The following CSMD1 variants were observed in gnomAD, a reference collection of about 807,000 sequenced individuals.
CSMD1 encodes the protein CUB and Sushi multiple domains 1.
In CSMD1, 213 loss-of-function variants were observed where a neutral mutation model predicts 417.5. The observed-to-expected ratio is 0.51, with a 90% CI of 0.46 to 0.57. CSMD1 has a LOEUF of 0.57. Ranked by LOEUF, CSMD1 falls within the 20% of genes least tolerant of loss-of-function variation. The pLI, the probability that CSMD1 is intolerant of heterozygous loss-of-function variation, is 0.00. For synonymous variants in CSMD1, 2,862 were observed against 1,736.8 expected (o/e 1.65, Z -16.11); for missense variants, 6,923 against 4,529.7 (o/e 1.53, Z -15.17).
At chr8:4,231,167 T>C (rs888120442) in intron 3 of CSMD1, among the ~76,000 whole-genome samples, 5 of 152,182 alleles carry the variant, frequency 3.3e-5, no homozygotes, top group African/African-American at 4.8e-5. Context: ...TATAGTGAAA[T>C]GTTTAAAATA....
intron 23 of CSMD1, among the ~76,000 whole-genome samples, chr8:3,333,471 G>A (rs997287950): frequency 6.6e-6 from 1 of 152,172 alleles, no homozygotes; most frequent in African/African-American, 2.4e-5. Flanking sequence ...TCTCAGCTAG[G>A]TTAACAGCTA....
In CSMD1 at chr8:3,508,336, A is replaced by G. The variant is rs542689905; in HGVS notation, c.1345-14610T>C. Among the ~76,000 whole-genome samples, 5 of 148,656 alleles carry G rather than the reference A, an allele frequency of 3.4e-5. No individual in the cohort carries two copies. The South Asian group carries it at 1.1e-3, about 32-fold the overall frequency. On this transcript the variant is annotated intron_variant, in intron 10 of 69. Transcript: ENST00000635120. ...AACACTTGGACACAGGAAGGGGAAC[A>G]TCACACACGGGGGCCTGTTATGGGG...
intron 5 of CSMD1, among the ~76,000 whole-genome samples, chr8:3,924,015 G>A (rs1238872598): frequency 6.6e-6 from 1 of 152,164 alleles, no homozygotes; most frequent in Non-Finnish European, 1.5e-5. Flanking sequence ...CTTTCTTGCT[G>A]CTAATAAGTG....
intron 7 of CSMD1, among the ~76,000 whole-genome samples, chr8:3,686,489 G>A (rs1350927460): frequency 2.0e-5 from 3 of 151,924 alleles, no homozygotes; most frequent in Non-Finnish European, 4.4e-5. Flanking sequence ...AATTAAAGAC[G>A]CTTAAAAAAA....
intron 3 of CSMD1, among the ~76,000 whole-genome samples, chr8:4,070,413 A>T (rs2552119): frequency 0.16 from 23,752 of 152,152 alleles, 1,988 homozygotes; most frequent in South Asian, 0.36. Context: ...GCTGGAGTGC[A>T]GTGGTGGGAT....
intron 5 of CSMD1, among the ~76,000 whole-genome samples, chr8:3,994,174 T>TTTA (rs2130307825): frequency 6.6e-6 from 1 of 152,296 alleles, no homozygotes; most frequent in South Asian, 2.1e-4. Context: ...TGCATTTATT[T>TTTA]TTATTTTCTT....
intron 5 of CSMD1, among the ~76,000 whole-genome samples, chr8:3,906,498 G>T (rs1424347662): frequency 1.3e-5 from 2 of 150,372 alleles, no homozygotes; most frequent in Non-Finnish European, 3.0e-5. Context: ...TCCGATAAGA[G>T]AATGAAAAAA....
intron 37 of CSMD1, among the ~76,000 whole-genome samples, chr8:3,167,291 GAAAA>G (rs61026104): frequency 4.9e-5 from 5 of 102,600 alleles, no homozygotes; most frequent in African/African-American, 1.4e-4. Context: ...CTTGGAAAAA[GAAAA>G]AAAAAAAAAA....
intron 2 of CSMD1, among the ~76,000 whole-genome samples, 173 bp downstream of exon 2, chr8:4,637,169 C>A (rs1489721918): frequency 6.6e-6 from 1 of 152,084 alleles, no homozygotes; most frequent in Non-Finnish European, 1.5e-5. Flanking sequence ...TCTTTAAGAG[C>A]TGGAAAACTC....
At chr8:3,498,529 G>C (rs571422220) in intron 10 of CSMD1, among the ~76,000 whole-genome samples, 2 of 152,128 alleles carry the variant, frequency 1.3e-5, no homozygotes, top group Non-Finnish European at 2.9e-5. Context: ...TCCTGGATCT[G>C]AATGCACATA....
At chr8:4,404,616 G>C (rs576558017) in intron 3 of CSMD1, among the ~76,000 whole-genome samples, 2 of 151,858 alleles carry the variant, frequency 1.3e-5, no homozygotes, top group Non-Finnish European at 2.9e-5. Flanking sequence ...AATTTCTTTT[G>C]CACCAACCTA....
At chr8:3,125,491 A>C (rs1211622396) in intron 41 of CSMD1, among the ~76,000 whole-genome samples, 1 of 152,236 alleles carries the variant, frequency 6.6e-6, no homozygotes, top group Non-Finnish European at 1.5e-5. Flanking sequence ...AGAAAAAAAG[A>C]TCACTTCAGT....
chr8:4,694,934 C>T (rs1426225416), intron 1 of CSMD1, among the ~76,000 whole-genome samples: 3 of 152,198 alleles, frequency 2.0e-5, no homozygotes, highest in Non-Finnish European at 2.9e-5. Flanking sequence ...CTCTAAAGCA[C>T]TATGAACATA....
At chr8:4,795,721 C>A (rs1381185625) in intron 1 of CSMD1, among the ~76,000 whole-genome samples, 1 of 152,108 alleles carries the variant, frequency 6.6e-6, no homozygotes, top group South Asian at 2.1e-4. Context: ...GGAGAGGCAT[C>A]CTGACAGGTC....
intron 47 of CSMD1, among the ~76,000 whole-genome samples, chr8:3,093,382 T>G (rs1377160253): frequency 6.6e-6 from 1 of 152,026 alleles, no homozygotes; most frequent in South Asian, 2.1e-4. Flanking sequence ...AAATTTCTGT[T>G]GAGGCTAGGC....
At position 4,741,024 on chromosome 8, in the gene CSMD1, G is replaced by A. The variant is rs186224416; in HGVS notation, c.86-103466C>T. 2.9e-3 allele frequency among the ~76,000 whole-genome samples: 445 copies of A among 152,142 alleles called. 1 individual carries two copies. The highest frequency in any genetic ancestry group is 0.01 in the African/African-American group (425 of 41,480). On this transcript the variant is annotated intron_variant, in intron 1 of 69. Coordinates refer to ENST00000635120, the MANE Select transcript of CSMD1 (RefSeq NM_033225.6). ...AAAAAATAATTTACTAGAACCGAAAGTCCTAGTAATTGCTTTAATCAATTT... is the reference window on the plus strand; with the variant it reads ...AAAAAATAATTTACTAGAACCGAAAATCCTAGTAATTGCTTTAATCAATTT...
At chr8:3,906,451 G>C (rs1214824302) in intron 5 of CSMD1, among the ~76,000 whole-genome samples, 2 of 152,050 alleles carry the variant, frequency 1.3e-5, no homozygotes, top group African/African-American at 4.8e-5. Flanking sequence ...TAGAAATCAT[G>C]ATATGAATTC....
chr8:4,951,910 A>G (rs1041523111), intron 1 of CSMD1, among the ~76,000 whole-genome samples: 4 of 151,710 alleles, frequency 2.6e-5, no homozygotes, highest in Admixed American at 1.3e-4. Context: ...TTTTATTTAT[A>G]TATTTAGAAA....
At chr8:4,671,476 G>C (rs1391310147) in intron 1 of CSMD1, among the ~76,000 whole-genome samples, 1 of 152,168 alleles carries the variant, frequency 6.6e-6, no homozygotes, top group Non-Finnish European at 1.5e-5. Context: ...CGACAGAAAA[G>C]CCACTGTTCT....
Sources: allele counts gnomAD v4.1 joint callset (sites outside exome capture counted in the v4.1 genomes callset), GRCh38; gene constraint gnomAD v4.1.1; transcripts MANE v1.5; gene names NCBI Gene and HGNC (gene_info 2026-07-23, HGNC 2026-07-21).